Variants in ZNF678 observed in about 807,000 individuals in gnomAD.
ZNF678 encodes the protein hypothetical protein MGC42493.
ZNF678 carries 5 observed loss-of-function variants against 3.0 expected under a neutral mutation model. The ratio of observed to expected loss-of-function variants is 1.69; its 90% CI spans 0.88 to 3.56. The LOEUF (loss-of-function observed/expected upper bound fraction) is 3.56. ZNF678 is among the 30% of genes most tolerant of loss of function. The probability of loss-of-function intolerance (pLI) is 0.00; values close to 1 mark genes in which losing one functional copy is unlikely to be tolerated. For synonymous variants in ZNF678, 218 were observed against 199.6 expected (o/e 1.09, Z -0.78); for missense variants, 593 against 605.0 (o/e 0.98, Z 0.21).
At position 227,586,917 on chromosome 1, in the gene ZNF678, C is replaced by T. The variant is rs1235017362; in HGVS notation, c.-164+23193C>T. 2.0e-5 allele frequency among the ~76,000 whole-genome samples: 3 copies of T among 152,318 alleles called. No homozygotes were observed. The South Asian group carries it at 6.2e-4, about 32-fold the overall frequency. ...GGCAGGAATGTAAGGGAGAGCTCCA[C>T]TTACAGTCTCCCTGAATGCAAAGCC... On this transcript the variant is annotated intron_variant, in intron 1 of 3. Transcript: ENST00000343776.
At chr1:227,623,106 C>G (rs1348740912) in intron 1 of ZNF678, among the ~76,000 whole-genome samples, 1 of 152,232 alleles carries the variant, frequency 6.6e-6, no homozygotes, top group Non-Finnish European at 1.5e-5. Context: ...TGTTCTGACA[C>G]TTAAAAATTC....
intron 1 of ZNF678, among the ~76,000 whole-genome samples, chr1:227,588,369 A>G (rs1657318946): frequency 6.6e-6 from 1 of 152,146 alleles, no homozygotes; most frequent in Non-Finnish European, 1.5e-5. Flanking sequence ...TGTTGAGTCA[A>G]GTGGTATTTC....
chr1:227,576,219 T>C (rs1265305531), intron 1 of ZNF678, among the ~76,000 whole-genome samples: 1 of 152,196 alleles, frequency 6.6e-6, no homozygotes, highest in African/African-American at 2.4e-5. Context: ...TCTTCTTTTG[T>C]TCTGCCTCTG....
intron 1 of ZNF678, among the ~76,000 whole-genome samples, chr1:227,586,106 T>A (rs867459777): frequency 6.6e-6 from 1 of 152,172 alleles, no homozygotes. Flanking sequence ...GAAGAATTGT[T>A]TAAGCCTAGG....
downstream of ZNF678, among the ~76,000 whole-genome samples, chr1:227,664,839 A>G (rs571621287): frequency 9.0e-4 from 136 of 151,776 alleles, no homozygotes; most frequent in African/African-American, 3.2e-3. Flanking sequence ...CTGGTGGGCT[A>G]CTGATTTCTC....
chr1:227,577,346 C>T (rs977868074), intron 1 of ZNF678, among the ~76,000 whole-genome samples: 1 of 152,118 alleles, frequency 6.6e-6, no homozygotes, highest in African/African-American at 2.4e-5. Context: ...ATTAAAGCCC[C>T]CTACTATTAC....
intron 1 of ZNF678, among the ~76,000 whole-genome samples, chr1:227,588,506 CTT>C (rs747086047): frequency 7.4e-6 from 1 of 135,912 alleles, no homozygotes; most frequent in Admixed American, 7.5e-5. Context: ...GTTTTTTTTA[CTT>C]TTTTTTTTTG....
chr1:227,584,326 C>A (rs188053997), intron 1 of ZNF678, among the ~76,000 whole-genome samples: 3 of 152,238 alleles, frequency 2.0e-5, no homozygotes, highest in Non-Finnish European at 4.4e-5. Flanking sequence ...CTTGGTGATA[C>A]AAGAACTTCC....
Position 227,655,738 on chromosome 1 carries a change from A to C in ZNF678, c.1488A>C (p.Lys496Asn). 6.2e-7 allele frequency: 1 copy of C among 1,612,428 alleles called. No homozygotes were observed. The highest frequency in any genetic ancestry group is 1.3e-5 in the African/African-American group (1 of 74,972). Reference sequence around the variant, plus strand: ...GCTACAAATGTAAAGAATGTGGAAAAGGTTTTTACCAATCCTCAATCCATA... The same window carrying C: ...GCTACAAATGTAAAGAATGTGGAAACGGTTTTTACCAATCCTCAATCCATA... ...EKRYKCKECGKGFYQSSIHSK... is the reference protein window; with the variant it reads ...EKRYKCKECGNGFYQSSIHSK... The change falls in exon 4 of 4, where the codon AAA (lysine) becomes AAC (asparagine). Residue 496 changes from lysine to asparagine, a missense_variant. Coordinates refer to ENST00000343776, the MANE Select transcript of ZNF678 (RefSeq NM_001367909.1).
At chr1:227,634,354 A>G (rs1658622828) in intron 1 of ZNF678, among the ~76,000 whole-genome samples, 1 of 152,248 alleles carries the variant, frequency 6.6e-6, no homozygotes, top group South Asian at 2.1e-4. Context: ...GAAAAGGTAA[A>G]GAGGGTTTTG....
chr1:227,572,015 G>T (rs1316377460), intron 1 of ZNF678, among the ~76,000 whole-genome samples: 1 of 152,086 alleles, frequency 6.6e-6, no homozygotes, highest in Non-Finnish European at 1.5e-5. Flanking sequence ...GCACTCCAGC[G>T]TGGGCAACAG....
downstream of ZNF678, among the ~76,000 whole-genome samples, chr1:227,665,698 C>T (rs1659493761): frequency 6.6e-6 from 1 of 152,192 alleles, no homozygotes; most frequent in South Asian, 2.1e-4. Flanking sequence ...CATGACTAAG[C>T]CTGAGCATAT....
At chr1:227,640,642 T>C (rs1301747062) in intron 1 of ZNF678, among the ~76,000 whole-genome samples, 1 of 152,208 alleles carries the variant, frequency 6.6e-6, no homozygotes, top group African/African-American at 2.4e-5. Flanking sequence ...ATGTTCTATT[T>C]GTGGGCCATT....
intron 5 of ZNF678, among the ~76,000 whole-genome samples, chr1:227,668,182 C>G (rs1364510920): frequency 6.6e-6 from 1 of 152,026 alleles, no homozygotes; most frequent in Non-Finnish European, 1.5e-5. Context: ...AGTTTTGGGA[C>G]AATAATATAC....
At chr1:227,564,316 T>C (rs1656613427) in intron 1 of ZNF678, among the ~76,000 whole-genome samples, 1 of 152,254 alleles carries the variant, frequency 6.6e-6, no homozygotes, top group Admixed American at 6.5e-5. Flanking sequence ...AGTTTTGTGA[T>C]TGGTTGAACT....
rs775710861 is a variant in ZNF678 at position 227,654,355 on chromosome 1, T to G, written c.105T>G (p.Ile35Met). The G allele has an allele frequency of 1.3e-6, 2 of 1,563,132 alleles. No individual in the cohort carries two copies. Among genetic ancestry groups the G allele is most frequent in the Non-Finnish European group, 1.7e-6 (2 of 1,159,842 alleles). Residue 35 changes from isoleucine (I) to methionine (M), a missense_variant, in exon 4 of 4, where the codon ATT becomes ATG. By Grantham distance (10) the Ile-to-Met change is conservative. Transcript: ENST00000343776. The part of the protein sequence containing the change: ...LVYTAILSYS[I>M]QDLLPEQDMK... ...TTTCAGCTATTTTATCTTATTCCAT[T>G]CAAGACCTTTTGCCAGAGCAGGATA... is the stretch of plus-strand genomic sequence containing the variant.
At chr1:227,624,013 C>T (rs1658346019) in intron 1 of ZNF678, among the ~76,000 whole-genome samples, 1 of 152,130 alleles carries the variant, frequency 6.6e-6, no homozygotes, top group Admixed American at 6.5e-5. Flanking sequence ...CTCCCACTTA[C>T]TTGAAATACA....
chr1:227,573,691 G>GTAAC (rs773624780), intron 1 of ZNF678, among the ~76,000 whole-genome samples: 3 of 151,904 alleles, frequency 2.0e-5, no homozygotes, highest in Non-Finnish European at 4.4e-5. Flanking sequence ...TAACTTTTAA[G>GTAAC]TTCAGGGGTA....
At chr1:227,580,206 T>G (rs1657090249) in intron 1 of ZNF678, among the ~76,000 whole-genome samples, 1 of 152,114 alleles carries the variant, frequency 6.6e-6, no homozygotes, top group South Asian at 2.1e-4. Context: ...GTGTCTTCCC[T>G]CTGTCCACTC....
Sources: allele counts gnomAD v4.1 joint callset (sites outside exome capture counted in the v4.1 genomes callset), GRCh38; gene constraint gnomAD v4.1.1; transcripts MANE v1.5; gene names NCBI Gene and HGNC (gene_info 2026-07-23, HGNC 2026-07-21).